GALNT2: variants seen among roughly 807,000 people sequenced by gnomAD.
The protein encoded by GALNT2 is UDP-GalNAc:polypeptide N-acetylgalactosaminyltransferase 2.
In GALNT2, 31 loss-of-function variants were observed where a neutral mutation model predicts 81.4. The ratio of observed to expected loss-of-function variants is 0.38; its 90% CI spans 0.29 to 0.51. GALNT2 has a LOEUF of 0.51. Among genes scored for constraint, GALNT2 ranks in the 20% least tolerant of loss-of-function variants. The pLI is 0.87. For missense variants in GALNT2, 629 were observed against 765.7 expected, an observed-to-expected ratio of 0.82 and a Z score of 2.11; for synonymous variants, 303 against 287.4, an observed-to-expected ratio of 1.05 and a Z score of -0.55.
intron 1 of GALNT2, among the ~76,000 whole-genome samples, chr1:230,091,241 A>AT (rs5781563): frequency 0.024 from 3,533 of 144,532 alleles, 100 homozygotes; most frequent in African/African-American, 0.068. Context: ...AATTTTTTGT[A>AT]TTTTTTTTTT....
At chr1:230,226,587 C>T (rs185512638) in intron 3 of GALNT2, among the ~76,000 whole-genome samples, 46 of 152,298 alleles carry the variant, frequency 3.0e-4, no homozygotes, top group African/African-American at 5.1e-4. Context: ...GAAAGGTCCA[C>T]GTGGCTGCAG....
chr1:230,085,171 T>C (rs1231183246), intron 1 of GALNT2, among the ~76,000 whole-genome samples: 1 of 152,184 alleles, frequency 6.6e-6, no homozygotes, highest in African/African-American at 2.4e-5. Flanking sequence ...CTTTCACCAC[T>C]GCGGATGGCA....
chr1:230,139,598 A>G (rs1661664320), intron 1 of GALNT2, among the ~76,000 whole-genome samples: 1 of 152,252 alleles, frequency 6.6e-6, no homozygotes. Flanking sequence ...CACCTGTTCC[A>G]CTGACAACAG....
At chr1:230,211,812 G>A (rs1313384864) in intron 3 of GALNT2, among the ~76,000 whole-genome samples, 1 of 152,170 alleles carries the variant, frequency 6.6e-6, no homozygotes, top group Non-Finnish European at 1.5e-5. Flanking sequence ...TCACACTCCT[G>A]TAAAGTGGGT....
chr1:230,170,995 G>A (rs1294256693), intron 1 of GALNT2, among the ~76,000 whole-genome samples: 1 of 152,142 alleles, frequency 6.6e-6, no homozygotes, highest in Non-Finnish European at 1.5e-5. Context: ...CTTTTTTCAG[G>A]ACCCTTTCCC....
At chr1:230,237,726 A>T (rs542568037) in intron 6 of GALNT2, among the ~76,000 whole-genome samples, 1 of 152,280 alleles carries the variant, frequency 6.6e-6, no homozygotes, top group East Asian at 1.9e-4. Context: ...CAGTCCACCA[A>T]GCCTGGAATA....
intron 1 of GALNT2, among the ~76,000 whole-genome samples, chr1:230,081,737 C>T (rs1401398377): frequency 1.3e-5 from 2 of 152,206 alleles, no homozygotes. Context: ...AATAGATACA[C>T]TCTGTGATGA....
intron 14 of GALNT2, among the ~76,000 whole-genome samples, chr1:230,273,107 G>A (rs976666854): frequency 2.0e-5 from 3 of 152,018 alleles, no homozygotes; most frequent in African/African-American, 7.2e-5. Flanking sequence ...TTCTAATGAC[G>A]GACTATTTGT....
At chr1:230,255,188 CA>C in intron 10 of GALNT2, 29 bp from the exon 11 acceptor site, 2 of 1,614,166 alleles carry the variant, frequency 1.2e-6, no homozygotes, top group Non-Finnish European at 1.7e-6. Context: ...CAGGCTCTGT[CA>C]GTCACCTGTG....
intron 1 of GALNT2, among the ~76,000 whole-genome samples, chr1:230,095,061 G>T (rs1345342808): frequency 1.3e-5 from 2 of 152,092 alleles, no homozygotes; most frequent in South Asian, 4.2e-4. Context: ...GAGTCTGCTG[G>T]TCCTCATACG....
At position 230,121,395 on chromosome 1, in the gene GALNT2, C is replaced by G. The variant is rs896042232; in HGVS notation, c.126+53989C>G. ...GTGCGTGAACAGACAACTCTGTTGG[C>G]TTTCCTGCCCTCCCCTGTTTGCCTT... On this transcript the variant is annotated intron_variant, in intron 1 of 15. Coordinates refer to ENST00000366672, the MANE Select transcript of GALNT2 (RefSeq NM_004481.5). Among the ~76,000 whole-genome samples the G allele has an allele frequency of 1.4e-4, 21 of 152,230 alleles. 2 individuals carry two copies. The highest frequency in any genetic ancestry group is 1.3e-3 in the East Asian group (7 of 5,196).
intron 1 of GALNT2, among the ~76,000 whole-genome samples, chr1:230,158,806 A>G (rs1420644884): frequency 6.6e-6 from 1 of 152,146 alleles, no homozygotes; most frequent in Non-Finnish European, 1.5e-5. Context: ...AAGATTTTGT[A>G]CCATCAGCCT....
intron 1 of GALNT2, among the ~76,000 whole-genome samples, chr1:230,092,185 T>TTGTTTTTTTTTTTTTG (rs1660110178): frequency 1.1e-4 from 13 of 114,286 alleles, no homozygotes; most frequent in Non-Finnish European, 2.0e-4. Flanking sequence ...AGTTTTTTTT[T>TTGTTTTTTTTTTTTTG]TTTTTTTTTT....
intron 1 of GALNT2, among the ~76,000 whole-genome samples, chr1:230,075,938 C>A (rs1453700163): frequency 6.6e-6 from 1 of 152,100 alleles, no homozygotes; most frequent in African/African-American, 2.4e-5. Context: ...GCCTCTTTTT[C>A]GGTGATCTCT....
chr1:230,144,546 T>C (rs1661852416), intron 1 of GALNT2, among the ~76,000 whole-genome samples: 1 of 152,198 alleles, frequency 6.6e-6, no homozygotes, highest in African/African-American at 2.4e-5. Context: ...AAAGTTTTAT[T>C]GTGCCAACAT....
chr1:230,237,488 G>C (rs922245161), intron 6 of GALNT2, among the ~76,000 whole-genome samples: 1 of 152,184 alleles, frequency 6.6e-6, no homozygotes, highest in Non-Finnish European at 1.5e-5. Flanking sequence ...GGTGGTGATT[G>C]TATTCCTTCA....
chr1:230,152,326 C>T (rs955751523), intron 1 of GALNT2, among the ~76,000 whole-genome samples: 7 of 152,098 alleles, frequency 4.6e-5, no homozygotes, highest in Admixed American at 1.3e-4. Flanking sequence ...TAAGCGCATC[C>T]GACACTTGGC....
rs1558280302 is a variant in GALNT2 at position 230,092,185 on chromosome 1, T to TTTTTTTTTTTTTTTG, written c.126+24790_126+24791insTTTGTTTTTTTTTTT. 8.3e-4 allele frequency among the ~76,000 whole-genome samples: 95 copies of TTTTTTTTTTTTTTTG among 114,180 alleles called. 1 individual carries two copies. Among genetic ancestry groups the TTTTTTTTTTTTTTTG allele is most frequent in the African/African-American group, 1.2e-3 (36 of 30,806 alleles). The allele number at this position is 114,180 out of a possible 152,430, so 74.9% of individuals were successfully genotyped here. A position where few individuals can be genotyped will look rare whatever the true frequency, so the allele number is the denominator to read the frequency against. ...ACCTTATATTCCTTTAGTTTTTTTT[T>TTTTTTTTTTTTTTTG]TTTTTTTTTTTGCACTGATCTTTCT... On this transcript the variant is annotated intron_variant, in intron 1 of 15. Coordinates refer to ENST00000366672, the MANE Select transcript of GALNT2 (RefSeq NM_004481.5).
chr1:230,190,475 A>G (rs1383907353), intron 2 of GALNT2, among the ~76,000 whole-genome samples: 1 of 152,226 alleles, frequency 6.6e-6, no homozygotes, highest in Non-Finnish European at 1.5e-5. Context: ...TTTATCCCAC[A>G]TTCAAAGTTC....
Sources: allele counts gnomAD v4.1 joint callset (sites outside exome capture counted in the v4.1 genomes callset), GRCh38; gene constraint gnomAD v4.1.1; transcripts MANE v1.5; gene names NCBI Gene and HGNC (gene_info 2026-07-23, HGNC 2026-07-21).